The following FRMD4B variants were observed in gnomAD, a reference collection of about 807,000 sequenced individuals.
The protein encoded by FRMD4B is FERM domain containing 4B, also known as FERM domain-containing protein 4B.
A neutral mutation model predicts 141.5 loss-of-function variants in FRMD4B; 74 were observed. That is an observed-to-expected ratio of 0.52 (90% CI 0.43 to 0.63). FRMD4B has a LOEUF of 0.63. Among genes scored for constraint, FRMD4B ranks in the 30% least tolerant of loss-of-function variants. The probability of loss-of-function intolerance (pLI) is 0.00; values close to 1 mark genes in which losing one functional copy is unlikely to be tolerated. For synonymous variants in FRMD4B, 506 were observed against 467.9 expected (o/e 1.08, Z -1.05); for missense variants, 1,366 against 1,253.4 (o/e 1.09, Z -1.36).
chr3:69,377,851 C>G (rs1028084128), intron 1 of FRMD4B, among the ~76,000 whole-genome samples: 1 of 151,746 alleles, frequency 6.6e-6, no homozygotes, highest in African/African-American at 2.4e-5. Flanking sequence ...CACTCTGTTG[C>G]CCAGGCTGGA....
rs115230151 is a variant in FRMD4B, at chr3:69,176,125, T to C, written c.2984+399A>G. The stretch of plus-strand genomic sequence containing the variant: ...CAGATATTTTTGGCTTTGGTGTCTG[T>C]GCAAGTAGTTCTTTGTAAACATTAG... On this transcript the variant is annotated intron_variant, in intron 22 of 22. Coordinates refer to ENST00000398540, the MANE Select transcript of FRMD4B (RefSeq NM_015123.3). 3.7e-3 allele frequency among the ~76,000 whole-genome samples: 568 copies of C among 152,232 alleles called. 3 individuals are homozygous for C. Among genetic ancestry groups the C allele is most frequent in the African/African-American group, 0.012 (506 of 41,546 alleles).
chr3:69,445,263 G>A (rs1323650255), intron 1 of FRMD4B, among the ~76,000 whole-genome samples: 2 of 152,150 alleles, frequency 1.3e-5, no homozygotes, highest in Non-Finnish European at 2.9e-5. Flanking sequence ...ATCACAGAAG[G>A]GGGACGATGC....
intron 1 of FRMD4B, among the ~76,000 whole-genome samples, chr3:69,504,891 C>T (rs74850117): frequency 5.9e-5 from 9 of 152,336 alleles, no homozygotes; most frequent in Non-Finnish European, 1.0e-4. Flanking sequence ...CTCACTTGAG[C>T]ACACTGCTTC....
At chr3:69,365,717 T>A (rs1703623691) in intron 1 of FRMD4B, among the ~76,000 whole-genome samples, 1 of 152,052 alleles carries the variant, frequency 6.6e-6, no homozygotes, top group Non-Finnish European at 1.5e-5. Context: ...AGGCTCATCT[T>A]GAACTCTTGA....
intron 2 of FRMD4B, among the ~76,000 whole-genome samples, chr3:69,406,016 CTTTG>C (rs1196778742): frequency 6.6e-6 from 1 of 152,074 alleles, no homozygotes; most frequent in Non-Finnish European, 1.5e-5. Flanking sequence ...GGATGCATTG[CTTTG>C]TTTTTCACCC....
Position 69,302,323 on chromosome 3 carries a change from C to T in FRMD4B, c.416+20G>A. Reference sequence around the variant, plus strand: ...AACAGCAAAAAAAGAGGGATGCTAACTGGGTCTGTGGATACATACCTCACA... The same window carrying T: ...AACAGCAAAAAAAGAGGGATGCTAATTGGGTCTGTGGATACATACCTCACA... On this transcript the variant is annotated intron_variant, in intron 4 of 22. Transcript: ENST00000398540. The T allele has an allele frequency of 7.4e-7, 1 of 1,344,496 alleles. No homozygotes were observed. The highest frequency in any genetic ancestry group is 1.2e-5 in the South Asian group (1 of 82,832). 83.3% of individuals were successfully genotyped at this position (1,344,496 alleles called of 1,614,324 possible). A position where few individuals can be genotyped will look rare whatever the true frequency, so the allele number is the denominator to read the frequency against.
intron 5 of FRMD4B, 35 bp from the exon 6 acceptor site, chr3:69,250,134 G>GATTGTCCTAGATTGATGAACATTGAACAT (rs2093452710): frequency 6.9e-7 from 1 of 1,454,522 alleles, no homozygotes; most frequent in Non-Finnish European, 9.7e-7. Flanking sequence ...ATTGAACATG[G>GATTGTCCTAGATTGATGAACATTGAACAT]GGCTGTCCTA....
intron 1 of FRMD4B, among the ~76,000 whole-genome samples, chr3:69,496,716 T>A (rs1706407127): frequency 6.8e-6 from 1 of 147,724 alleles, no homozygotes; most frequent in Middle Eastern, 3.6e-3. Flanking sequence ...GATGACATCA[T>A]GAGTGTCCAG....
intron 1 of FRMD4B, among the ~76,000 whole-genome samples, chr3:69,532,650 C>T (rs1229345256): frequency 6.6e-6 from 1 of 152,168 alleles, no homozygotes; most frequent in African/African-American, 2.4e-5. Context: ...TCTGACAGAA[C>T]TCGGGTTGAG....
At chr3:69,277,435 A>G (rs914167262) in intron 5 of FRMD4B, among the ~76,000 whole-genome samples, 2 of 149,436 alleles carry the variant, frequency 1.3e-5, no homozygotes, top group African/African-American at 4.9e-5. Context: ...AACACCCAGG[A>G]GGCTTATGGT....
rs74683071 is a variant in FRMD4B, at chr3:69,296,630, A to G, written c.416+5713T>C. ...CTGGCTAACTTGCACACCTCCCTCA[A>G]GTAACCTCAGCTCAGCCTAAGTAGG... is the stretch of plus-strand genomic sequence containing the variant. On this transcript the variant is annotated intron_variant, in intron 4 of 22. Coordinates refer to ENST00000398540, the MANE Select transcript of FRMD4B (RefSeq NM_015123.3). Among the ~76,000 whole-genome samples, 606 of 152,302 alleles carry G rather than the reference A, an allele frequency of 4.0e-3. 6 individuals are homozygous for G. The highest frequency in any genetic ancestry group is 0.014 in the African/African-American group (580 of 41,556).
In FRMD4B at chr3:69,198,692, C is replaced by T. The variant is rs2092934002; in HGVS notation, c.953+6G>A. 6.8e-7 allele frequency: 1 copy of T among 1,462,746 alleles called. No homozygotes were observed. The allele number at this position is 1,462,746 out of a possible 1,614,324, so 90.6% of individuals were successfully genotyped here. ...TGTCATACAGAGAAACGTCTTTGAT[C>T]CTCACCTTCGTGGATCATGAACTTC... On this transcript the variant is annotated splice_donor_region_variant and intron_variant, in intron 12 of 22. Transcript: ENST00000398540.
intron 4 of FRMD4B, among the ~76,000 whole-genome samples, chr3:69,300,755 TG>T (rs1365433205): frequency 6.6e-6 from 1 of 152,212 alleles, no homozygotes; most frequent in Non-Finnish European, 1.5e-5. Flanking sequence ...TTTTGTTTTT[TG>T]GCGATGGAGT....
At chr3:69,481,688 C>A (rs1296140584) in intron 1 of FRMD4B, among the ~76,000 whole-genome samples, 1 of 152,076 alleles carries the variant, frequency 6.6e-6, no homozygotes, top group African/African-American at 2.4e-5. Flanking sequence ...TTGGCCATGG[C>A]AACTCTCAAG....
intron 5 of FRMD4B, among the ~76,000 whole-genome samples, chr3:69,263,680 A>G (rs1359923729): frequency 6.6e-6 from 1 of 151,392 alleles, no homozygotes; most frequent in Non-Finnish European, 1.5e-5. Context: ...CCAAAGTGCT[A>G]GGATTACAGA....
At chr3:69,456,236 A>C (rs909841336) in intron 1 of FRMD4B, among the ~76,000 whole-genome samples, 2 of 103,406 alleles carry the variant, frequency 1.9e-5, no homozygotes, top group Non-Finnish European at 3.9e-5. Context: ...TGAAACTCAA[A>C]GTGTTTGCAC....
chr3:69,434,084 T>C (rs2106842770), intron 1 of FRMD4B, among the ~76,000 whole-genome samples: 1 of 152,270 alleles, frequency 6.6e-6, no homozygotes, highest in South Asian at 2.1e-4. Flanking sequence ...CGACAAAAGC[T>C]CCTTGAGGGA....
At chr3:69,400,347 A>G (rs922860746) in intron 2 of FRMD4B, among the ~76,000 whole-genome samples, 2 of 151,816 alleles carry the variant, frequency 1.3e-5, no homozygotes, top group African/African-American at 4.8e-5. Flanking sequence ...ACTCCACTGC[A>G]CTCTAGCCTG....
intron 19 of FRMD4B, among the ~76,000 whole-genome samples, chr3:69,183,587 A>C (rs2092732996): frequency 7.2e-6 from 1 of 138,520 alleles, no homozygotes; most frequent in Non-Finnish European, 1.5e-5. Context: ...GGTTCACGCC[A>C]TTCTCCTGCC....
Sources: gnomAD v4.1 joint callset for allele counts (sites outside exome capture counted in the v4.1 genomes callset) on GRCh38, gnomAD v4.1.1 for gene constraint, MANE v1.5 for transcripts, NCBI Gene and HGNC (gene_info 2026-07-23, HGNC 2026-07-21) for gene names.